KIRREL3: variants seen among roughly 807,000 people sequenced by gnomAD.
KIRREL3 encodes the protein kin of IRRE-like protein 3.
A neutral mutation model predicts 89.7 loss-of-function variants in KIRREL3; 36 were observed. That is an observed-to-expected ratio of 0.40 (90% CI 0.31 to 0.53). The LOEUF is 0.53. KIRREL3 is among the 20% of genes least tolerant of loss of function. The probability of loss-of-function intolerance (pLI) is 0.49; values close to 1 mark genes in which losing one functional copy is unlikely to be tolerated. For synonymous variants in KIRREL3, 445 were observed against 441.4 expected (o/e 1.01, Z -0.10); for missense variants, 864 against 1,056.6 (o/e 0.82, Z 2.53).
intron 1 of KIRREL3, among the ~76,000 whole-genome samples, chr11:126,938,183 A>G (rs1948288393): frequency 1.3e-5 from 2 of 152,254 alleles, no homozygotes; most frequent in Non-Finnish European, 2.9e-5. Context: ...ACAGATGCAA[A>G]AAGTTGTAAG....
chr11:126,922,859 C>G (rs370365329), intron 1 of KIRREL3, among the ~76,000 whole-genome samples: 1 of 152,196 alleles, frequency 6.6e-6, no homozygotes, highest in Non-Finnish European at 1.5e-5. Context: ...CCACTCTTCC[C>G]ACAATCCGCA....
At chr11:126,722,096 A>T (rs970876121) in intron 1 of KIRREL3, among the ~76,000 whole-genome samples, 2 of 152,192 alleles carry the variant, frequency 1.3e-5, no homozygotes, top group African/African-American at 4.8e-5. Context: ...ACTCTACTGT[A>T]TATACCTCAT....
intron 1 of KIRREL3, among the ~76,000 whole-genome samples, chr11:126,765,617 G>A (rs1461245132): frequency 6.6e-6 from 1 of 152,136 alleles, no homozygotes; most frequent in Non-Finnish European, 1.5e-5. Flanking sequence ...TCGGGCTCCA[G>A]TAAGAAGGCA....
rs914516840 is a variant in KIRREL3 at position 126,508,866 on chromosome 11, C to A, written c.433+12449G>T. ...TGCGAGTGGGTTCCTCAGCACAGTG[C>A]CTGTCATAGAGTGGCAGCTCACCAG... On this transcript the variant is annotated intron_variant, in intron 4 of 16. Coordinates refer to ENST00000525144, the MANE Select transcript of KIRREL3 (RefSeq NM_032531.4). This position sits in a 1 kb window ranked among gnomAD's most constrained non-coding sequence, Gnocchi z 4.9. 6.6e-6 allele frequency among the ~76,000 whole-genome samples: 1 copy of A among 152,166 alleles called. No individual in the cohort carries two copies. The highest frequency in any genetic ancestry group is 2.4e-5 in the African/African-American group (1 of 41,424).
At chr11:126,972,776 C>T (rs1591404643) in intron 1 of KIRREL3, among the ~76,000 whole-genome samples, 1 of 152,268 alleles carries the variant, frequency 6.6e-6, no homozygotes, top group South Asian at 2.1e-4. Flanking sequence ...ACCTTCTCTT[C>T]CTTCCCTACA....
intron 1 of KIRREL3, among the ~76,000 whole-genome samples, chr11:126,646,177 C>T (rs541706365): frequency 6.6e-5 from 10 of 152,282 alleles, no homozygotes; most frequent in South Asian, 6.2e-4. Context: ...CCAGTGGGTC[C>T]CCCTTGTACC....
intron 12 of KIRREL3, 137 bp downstream of exon 12, chr11:126,436,674 T>G (rs1955347787): frequency 1.1e-6 from 1 of 895,372 alleles, no homozygotes; most frequent in East Asian, 2.7e-5. Flanking sequence ...CTAGGCTGTG[T>G]GGTCAGCCAG....
In KIRREL3 at chr11:126,715,974, A is replaced by G. The variant is rs1053898708; in HGVS notation, c.56-153062T>C. ...TCAGAGAGTACCCTCCATACACCCA[A>G]TGTTAGTTCTTAGGCATGAGGTTGG... On this transcript the variant is annotated intron_variant, in intron 1 of 16. Coordinates refer to ENST00000525144, the MANE Select transcript of KIRREL3 (RefSeq NM_032531.4). This position sits in a 1 kb window ranked among gnomAD's most constrained non-coding sequence, Gnocchi z 4.4. Among the ~76,000 whole-genome samples, 1 of 152,042 alleles carries G rather than the reference A, an allele frequency of 6.6e-6. No individual in the cohort carries two copies. Among genetic ancestry groups the G allele is most frequent in the Non-Finnish European group, 1.5e-5 (1 of 68,002 alleles).
Position 126,428,817 on chromosome 11 carries a change from T to C in KIRREL3, c.1806+362A>G, listed in dbSNP as rs570071158. 2.0e-4 allele frequency among the ~76,000 whole-genome samples: 31 copies of C among 152,256 alleles called. No individual in the cohort carries two copies. The highest frequency in any genetic ancestry group is 7.2e-4 in the African/African-American group (30 of 41,546). ...GCCCGCCACCACGCCCAGCTAATTT[T>C]TGTATTTTTAGTAGAGATGTAGTTT... On this transcript the variant is annotated intron_variant, in intron 15 of 16. Coordinates refer to ENST00000525144, the MANE Select transcript of KIRREL3 (RefSeq NM_032531.4). The surrounding 1 kb of genome is among the most constrained non-coding windows in gnomAD (Gnocchi z 6.4).
intron 1 of KIRREL3, among the ~76,000 whole-genome samples, chr11:126,827,361 A>G (rs1943453003): frequency 6.6e-6 from 1 of 152,062 alleles, no homozygotes; most frequent in Admixed American, 6.6e-5. Flanking sequence ...CATTTTTAGT[A>G]GAGATGGGGT....
intron 5 of KIRREL3, among the ~76,000 whole-genome samples, chr11:126,472,957 C>G (rs1382752428): frequency 1.8e-5 from 2 of 110,988 alleles, no homozygotes; most frequent in African/African-American, 3.4e-5. Flanking sequence ...CCCAGCCCCT[C>G]CCCAGCAGCC....
intron 1 of KIRREL3, among the ~76,000 whole-genome samples, chr11:126,923,390 CTCTTCTTTCT>C (rs1254183995): frequency 1.5e-3 from 1 of 656 alleles, no homozygotes; most frequent in African/African-American, 7.2e-3. Flanking sequence ...CTTCTTCTTC[CTCTTCTTTCT>C]TCTTCTTCTT....
chr11:126,681,512 A>G (rs1946451577), intron 1 of KIRREL3, among the ~76,000 whole-genome samples: 1 of 152,024 alleles, frequency 6.6e-6, no homozygotes, highest in Non-Finnish European at 1.5e-5. Flanking sequence ...GTTTATGGGG[A>G]TTTATCCATT....
At chr11:126,465,796 A>G (rs975630496) in intron 5 of KIRREL3, among the ~76,000 whole-genome samples, 1 of 152,194 alleles carries the variant, frequency 6.6e-6, no homozygotes, top group Non-Finnish European at 1.5e-5. Context: ...AAGCCCGGGC[A>G]GGGAGGGAGC....
At chr11:126,848,641 T>C (rs981797311) in intron 1 of KIRREL3, among the ~76,000 whole-genome samples, 2 of 152,234 alleles carry the variant, frequency 1.3e-5, no homozygotes, top group Admixed American at 6.5e-5. Context: ...CCTTCTAATT[T>C]AGTTTACATG....
intron 1 of KIRREL3, among the ~76,000 whole-genome samples, chr11:126,725,700 G>A (rs939913146): frequency 3.9e-5 from 6 of 152,204 alleles, no homozygotes; most frequent in East Asian, 1.9e-4. Flanking sequence ...TGCCCTCGCT[G>A]CAAGGCTGCT....
At chr11:126,951,292 A>C (rs1213247519) in intron 1 of KIRREL3, among the ~76,000 whole-genome samples, 1 of 152,178 alleles carries the variant, frequency 6.6e-6, no homozygotes, top group Non-Finnish European at 1.5e-5. Flanking sequence ...AGGCGAGTAC[A>C]TCCGTTGAGA....
Position 126,997,073 on chromosome 11 carries a change from A to C in KIRREL3, c.55+3382T>G, listed in dbSNP as rs1950198851. ...ATCTCCCTGGAGGCAGGGAGTCATC[A>C]GTCCTCTAGGACCTTATTCCCTCCA... On this transcript the variant is annotated intron_variant, in intron 1 of 16. Transcript: ENST00000525144. This position sits in a 1 kb window ranked among gnomAD's most constrained non-coding sequence, Gnocchi z 4.3. Among the ~76,000 whole-genome samples the C allele has an allele frequency of 6.6e-6, 1 of 152,184 alleles. No homozygotes were observed. The highest frequency in any genetic ancestry group is 2.4e-5 in the African/African-American group (1 of 41,438).
At chr11:126,500,317 T>C (rs894120962) in intron 4 of KIRREL3, among the ~76,000 whole-genome samples, 1 of 152,216 alleles carries the variant, frequency 6.6e-6, no homozygotes, top group African/African-American at 2.4e-5. Flanking sequence ...CTGTGGCTAG[T>C]GGCTTGGTGC....
Sources: allele counts gnomAD v4.1 joint callset (sites outside exome capture counted in the v4.1 genomes callset), GRCh38; gene constraint gnomAD v4.1.1; non-coding constraint Gnocchi (gnomAD v3.1); transcripts MANE v1.5; gene names NCBI Gene and HGNC (gene_info 2026-07-23, HGNC 2026-07-21).